Variants in CERS6 observed in about 807,000 individuals in gnomAD.
CERS6 encodes ceramide synthase 6.
Under a neutral mutation model 56.8 loss-of-function variants are expected in CERS6, and 26 were observed. The ratio of observed to expected loss-of-function variants is 0.46; its 90% CI spans 0.34 to 0.63. CERS6 has a LOEUF of 0.63. Among genes scored for constraint, CERS6 ranks in the 30% least tolerant of loss-of-function variants. The pLI is 0.01. For missense variants in CERS6, 415 were observed against 467.5 expected, an observed-to-expected ratio of 0.89 and a Z score of 1.04; for synonymous variants, 164 against 173.3, an observed-to-expected ratio of 0.95 and a Z score of 0.42.
chr2:168,662,471 G>A (rs1322687385), intron 4 of CERS6, among the ~76,000 whole-genome samples: 1 of 152,142 alleles, frequency 6.6e-6, no homozygotes, highest in African/African-American at 2.4e-5. Flanking sequence ...GCTCATGCCT[G>A]TAATCCCAGC....
Position 168,770,625 on chromosome 2 carries a change from A to G in CERS6, c.*963A>G, listed in dbSNP as rs1002339878. ...AGTTAACTATATTTGGGGACAAAAA[A>G]ATATTTCAAGAGTTGATAAAGATTA... is the stretch of plus-strand genomic sequence containing the variant. On this transcript the variant is annotated 3_prime_UTR_variant, in exon 10 of 10. Transcript: ENST00000305747. 1.3e-5 allele frequency: 2 copies of G among 152,516 alleles called. No individual in the cohort carries two copies. Among genetic ancestry groups the G allele is most frequent in the Admixed American group, 6.5e-5 (1 of 15,294 alleles). 9.4% of individuals were successfully genotyped at this position (152,516 alleles called of 1,614,324 possible).
At chr2:168,693,011 T>C (rs114994628) in intron 5 of CERS6, among the ~76,000 whole-genome samples, 3,321 of 152,306 alleles carry the variant, frequency 0.022, 121 homozygotes, top group African/African-American at 0.074. Context: ...GATACACTTA[T>C]TTTATATAAG....
chr2:168,494,544 A>C (rs1291056810), intron 1 of CERS6, among the ~76,000 whole-genome samples: 1 of 152,170 alleles, frequency 6.6e-6, no homozygotes, highest in Non-Finnish European at 1.5e-5. Flanking sequence ...CAATATCTTC[A>C]AAGGAAAAAA....
chr2:168,490,724 A>C (rs764126191), intron 1 of CERS6, among the ~76,000 whole-genome samples: 14 of 152,106 alleles, frequency 9.2e-5, no homozygotes, highest in South Asian at 4.1e-4. Flanking sequence ...AAAAAGCGAG[A>C]GAGAGAGAGA....
intron 3 of CERS6, among the ~76,000 whole-genome samples, chr2:168,598,848 A>T (rs953971502): frequency 6.6e-6 from 1 of 152,238 alleles, no homozygotes; most frequent in African/African-American, 2.4e-5. Context: ...AAGTTTGGAT[A>T]GAGTAGGTAT....
chr2:168,675,149 A>G (rs1004257428), intron 4 of CERS6, among the ~76,000 whole-genome samples: 1 of 151,682 alleles, frequency 6.6e-6, no homozygotes, highest in African/African-American at 2.4e-5. Context: ...GATTTTTTGT[A>G]TTTTAGTAGA....
rs542092048 is a variant in CERS6, at chr2:168,569,878, T to C, written c.407+8556T>C. Among the ~76,000 whole-genome samples the C allele has an allele frequency of 4.6e-5, 7 of 152,290 alleles. No homozygotes were observed. In the South Asian group the frequency reaches 8.3e-4, roughly 18 times the overall value. On this transcript the variant is annotated intron_variant, in intron 3 of 9. Transcript: ENST00000305747. ...TCATAGGGTTGTTGTGAAGACTAGA[T>C]GAATTAATATATATAAATAAAGTGT...
intron 3 of CERS6, among the ~76,000 whole-genome samples, chr2:168,603,093 C>A (rs1285540106): frequency 4.6e-5 from 7 of 152,322 alleles, no homozygotes; most frequent in Admixed American, 3.9e-4. Context: ...TTCCTGATTT[C>A]TTTATTACTC....
intron 8 of CERS6, among the ~76,000 whole-genome samples, chr2:168,760,346 ACTAGGCCAGTCTCGC>A (rs1405479610): frequency 1.4e-4 from 21 of 152,102 alleles, no homozygotes; most frequent in Admixed American, 1.4e-3. Flanking sequence ...GGGCTGGGAG[ACTAGGCCAGTCTCGC>A]GTTTCCCATG....
At chr2:168,516,696 G>T (rs139872606) in intron 1 of CERS6, among the ~76,000 whole-genome samples, 58 of 152,266 alleles carry the variant, frequency 3.8e-4, no homozygotes, top group African/African-American at 1.4e-3. Flanking sequence ...AATAAAGTAA[G>T]CTAAGAGTTG....
chr2:168,647,792 T>C (rs529965232), intron 4 of CERS6, among the ~76,000 whole-genome samples: 211 of 152,358 alleles, frequency 1.4e-3, no homozygotes, highest in African/African-American at 4.7e-3. Flanking sequence ...TCTTTAGTTC[T>C]GTTTATGTGA....
At chr2:168,764,540 A>T (rs1284729093) in intron 8 of CERS6, among the ~76,000 whole-genome samples, 1 of 152,086 alleles carries the variant, frequency 6.6e-6, no homozygotes, top group African/African-American at 2.4e-5. Context: ...GTGCTTTTCC[A>T]GGGGAAGCCT....
At chr2:168,648,271 G>A (rs1685253552) in intron 4 of CERS6, among the ~76,000 whole-genome samples, 1 of 151,996 alleles carries the variant, frequency 6.6e-6, no homozygotes, top group African/African-American at 2.4e-5. Flanking sequence ...CAGAAGAGAT[G>A]TGTCCATCTC....
At chr2:168,560,059 A>C (rs1239424732) in intron 2 of CERS6, among the ~76,000 whole-genome samples, 1 of 152,100 alleles carries the variant, frequency 6.6e-6, no homozygotes, top group African/African-American at 2.4e-5. Flanking sequence ...TACAACAAGA[A>C]GGAAATGTAT....
intron 1 of CERS6, among the ~76,000 whole-genome samples, chr2:168,541,375 CT>C (rs1695366360): frequency 6.6e-6 from 1 of 152,184 alleles, no homozygotes; most frequent in African/African-American, 2.4e-5. Context: ...ATTGTTCCCC[CT>C]AGTTTGTCTC....
At chr2:168,577,486 AT>A (rs1381316877) in intron 3 of CERS6, among the ~76,000 whole-genome samples, 2 of 151,876 alleles carry the variant, frequency 1.3e-5, no homozygotes, top group Non-Finnish European at 2.9e-5. Flanking sequence ...GGGGTTAAGG[AT>A]TTTTTTTTAA....
intron 2 of CERS6, among the ~76,000 whole-genome samples, chr2:168,557,028 T>G: frequency 6.8e-6 from 1 of 147,660 alleles, no homozygotes; most frequent in African/African-American, 2.5e-5. Context: ...AAAAGGCATG[T>G]TGTTGCACAC....
At chr2:168,552,310 G>C (rs892334215) in intron 2 of CERS6, among the ~76,000 whole-genome samples, 1 of 141,546 alleles carries the variant, frequency 7.1e-6, no homozygotes, top group Non-Finnish European at 1.5e-5. Context: ...GAATAATAAG[G>C]AAAGAACAAT....
rs113684276 is a variant in CERS6, at chr2:168,553,960, A to G, written c.276+6259A>G. ...GGCAAATCATTACAAGTATACGCAT[A>G]TTTAATAGTACCAGAGTAAATGCTA... is the stretch of plus-strand genomic sequence containing the variant. On this transcript the variant is annotated intron_variant, in intron 2 of 9. Transcript: ENST00000305747. Among the ~76,000 whole-genome samples, 532 of 152,300 alleles carry G rather than the reference A, an allele frequency of 3.5e-3. 7 individuals carry two copies. Among genetic ancestry groups the G allele is most frequent in the African/African-American group, 0.012 (515 of 41,568 alleles).
Sources: allele counts gnomAD v4.1 joint callset (sites outside exome capture counted in the v4.1 genomes callset), GRCh38; gene constraint gnomAD v4.1.1; transcripts MANE v1.5; gene names NCBI Gene and HGNC (gene_info 2026-07-23, HGNC 2026-07-21).